Variants in SMYD3 observed in about 807,000 individuals in gnomAD.
SMYD3 encodes the protein SET and MYND domain containing 3, also known as histone-lysine N-methyltransferase SMYD3.
In SMYD3, 36 loss-of-function variants were observed where a neutral mutation model predicts 57.7. The observed-to-expected ratio is 0.62, with a 90% confidence interval of 0.48 to 0.82. SMYD3 has a LOEUF of 0.82. SMYD3 is among the 40% of genes least tolerant of loss of function. The pLI is 0.00. For missense variants in SMYD3, 515 were observed against 538.8 expected (o/e 0.96, Z 0.44); for synonymous variants, 211 against 195.0 (o/e 1.08, Z -0.68).
chr1:246,481,688 G>GTATATATGATCATATATGATTATA (rs1485414190), intron 1 of SMYD3, among the ~76,000 whole-genome samples: 2 of 137,946 alleles, frequency 1.4e-5, no homozygotes, highest in Admixed American at 7.6e-5. Context: ...TCATATATGA[G>GTATATATGATCATATATGATTATA]TATATATGAT....
intron 7 of SMYD3, 101 bp downstream of exon 7, chr1:245,927,830 A>C: frequency 1.2e-6 from 1 of 833,958 alleles, no homozygotes; most frequent in Non-Finnish European, 1.9e-6. Flanking sequence ...AAGGACAATG[A>C]AAAGTTGTCC....
chr1:246,240,174 G>A (rs1332513759), intron 5 of SMYD3, among the ~76,000 whole-genome samples: 29 of 152,096 alleles, frequency 1.9e-4, no homozygotes, highest in Admixed American at 1.9e-3. Flanking sequence ...CCCTCCCTAG[G>A]TCCTGAATGG....
At chr1:246,395,632 C>T (rs61463430) in intron 1 of SMYD3, among the ~76,000 whole-genome samples, 3 of 28,440 alleles carry the variant, frequency 1.1e-4, no homozygotes, top group Admixed American at 2.4e-4. Context: ...ACAGGGAAGA[C>T]GAACACACCA....
At chr1:246,064,436 A>T (rs1438593779) in intron 5 of SMYD3, among the ~76,000 whole-genome samples, 1 of 152,090 alleles carries the variant, frequency 6.6e-6, no homozygotes, top group Non-Finnish European at 1.5e-5. Context: ...CTTGTCCTCT[A>T]CCTAGAATGC....
chr1:246,028,174 C>T (rs1409867838), intron 5 of SMYD3, among the ~76,000 whole-genome samples: 1 of 151,998 alleles, frequency 6.6e-6, no homozygotes, highest in Non-Finnish European at 1.5e-5. Flanking sequence ...CACAACCTAC[C>T]AAAATTGAAT....
chr1:245,927,084 G>A (rs2056424023), intron 7 of SMYD3, among the ~76,000 whole-genome samples: 1 of 152,198 alleles, frequency 6.6e-6, no homozygotes, highest in African/African-American at 2.4e-5. Context: ...CTGCATAAAT[G>A]CAATAAAAGC....
At chr1:246,341,997 T>C (rs1164582277) in intron 2 of SMYD3, among the ~76,000 whole-genome samples, 2 of 152,200 alleles carry the variant, frequency 1.3e-5, no homozygotes, top group Non-Finnish European at 2.9e-5. Flanking sequence ...CTTCCAATGA[T>C]AAAATTCTGA....
chr1:246,104,669 C>T lies in SMYD3; in HGVS notation c.532-174732G>A, dbSNP rs80224059. 1.2e-3 allele frequency among the ~76,000 whole-genome samples: 186 copies of T among 152,224 alleles called. 1 individual carries two copies. Among genetic ancestry groups the T allele is most frequent in the African/African-American group, 4.3e-3 (180 of 41,532 alleles). On this transcript the variant is annotated intron_variant, in intron 5 of 11. Transcript: ENST00000490107. ...AAAATAACACAAGCCTTTCGCGAGACAGTTTAAAAAGCAAAGGGAGTAAAA... is the reference window on the plus strand; with the variant it reads ...AAAATAACACAAGCCTTTCGCGAGATAGTTTAAAAAGCAAAGGGAGTAAAA...
At chr1:245,765,060 AC>A (rs2046015986) in intron 10 of SMYD3, among the ~76,000 whole-genome samples, 1 of 148,252 alleles carries the variant, frequency 6.7e-6, no homozygotes, top group African/African-American at 2.5e-5. Context: ...ACACACACAC[AC>A]ACACACACAC....
intron 10 of SMYD3, among the ~76,000 whole-genome samples, chr1:245,765,001 T>G (rs2046010438): frequency 6.7e-6 from 1 of 149,878 alleles, no homozygotes; most frequent in Non-Finnish European, 1.5e-5. Context: ...TAGAGAATAC[T>G]GAGCCCCCGC....
intron 5 of SMYD3, among the ~76,000 whole-genome samples, chr1:246,042,467 C>A (rs994195178): frequency 1.3e-5 from 2 of 152,186 alleles, no homozygotes; most frequent in African/African-American, 4.8e-5. Flanking sequence ...CAGGTTCACA[C>A]TCCAAGCCAC....
intron 5 of SMYD3, among the ~76,000 whole-genome samples, chr1:246,300,136 A>G (rs1044041031): frequency 6.6e-6 from 1 of 152,156 alleles, no homozygotes; most frequent in Non-Finnish European, 1.5e-5. Context: ...AAAGATATAA[A>G]TGTGGACCCA....
At chr1:246,005,832 C>T (rs1304554339) in intron 5 of SMYD3, among the ~76,000 whole-genome samples, 1 of 152,110 alleles carries the variant, frequency 6.6e-6, no homozygotes, top group Non-Finnish European at 1.5e-5. Context: ...TACCAGACGT[C>T]GTCACTGAAT....
At chr1:245,807,831 A>AC (rs2048267830) in intron 10 of SMYD3, among the ~76,000 whole-genome samples, 1 of 152,020 alleles carries the variant, frequency 6.6e-6, no homozygotes, top group African/African-American at 2.4e-5. Flanking sequence ...AAAAAAACAA[A>AC]AAACAAAAAA....
intron 5 of SMYD3, among the ~76,000 whole-genome samples, chr1:246,172,857 C>T (rs1204771816): frequency 6.7e-6 from 1 of 149,720 alleles, no homozygotes; most frequent in Admixed American, 6.6e-5. Flanking sequence ...TTTATCAACA[C>T]TACACACTTA....
At chr1:246,264,827 C>T (rs55931903) in intron 5 of SMYD3, among the ~76,000 whole-genome samples, 37,422 of 152,004 alleles carry the variant, frequency 0.25, 5,291 homozygotes, top group Non-Finnish European at 0.32. Context: ...ATAGTGACAA[C>T]AATAATAACC....
At chr1:245,796,010 A>C (rs540984781) in intron 10 of SMYD3, among the ~76,000 whole-genome samples, 94 of 152,300 alleles carry the variant, frequency 6.2e-4, no homozygotes, top group African/African-American at 2.2e-3. Flanking sequence ...GCAAACAGTC[A>C]CAAGATCGCC....
At chr1:246,185,651 T>C (rs1209230792) in intron 5 of SMYD3, among the ~76,000 whole-genome samples, 3 of 152,026 alleles carry the variant, frequency 2.0e-5, no homozygotes, top group Non-Finnish European at 4.4e-5. Context: ...TTAGTAGACA[T>C]GGGGTTTCAC....
intron 1 of SMYD3, among the ~76,000 whole-genome samples, chr1:246,393,825 G>A (rs1208600728): frequency 2.0e-5 from 3 of 151,980 alleles, no homozygotes; most frequent in South Asian, 2.1e-4. Flanking sequence ...ACTGCACTCC[G>A]GCCTGTGCAA....
Sources: allele counts gnomAD v4.1 joint callset (sites outside exome capture counted in the v4.1 genomes callset), GRCh38; gene constraint gnomAD v4.1.1; transcripts MANE v1.5; gene names NCBI Gene and HGNC (gene_info 2026-07-23, HGNC 2026-07-21).